Variants in ADAMTS12 observed in about 807,000 individuals in gnomAD.
ADAMTS12 encodes ADAM metallopeptidase with thrombospondin type 1 motif 12.
ADAMTS12 carries 118 observed loss-of-function variants against 167.8 expected under a neutral mutation model. The ratio of observed to expected loss-of-function variants is 0.70; its 90% confidence interval spans 0.61 to 0.82. The LOEUF (loss-of-function observed/expected upper bound fraction) is 0.82. Among genes scored for constraint, ADAMTS12 ranks in the 40% least tolerant of loss-of-function variants. The pLI, the probability that ADAMTS12 is intolerant of heterozygous loss-of-function variation, is 0.00. For missense variants in ADAMTS12, 1,916 were observed against 1,998.8 expected, an observed-to-expected ratio of 0.96 and a Z score of 0.79; for synonymous variants, 704 against 716.9, an observed-to-expected ratio of 0.98 and a Z score of 0.29.
At chr5:33,595,842 C>G (rs1747894439) in intron 17 of ADAMTS12, 92 bp downstream of exon 17, 2 of 1,535,362 alleles carry the variant, frequency 1.3e-6, no homozygotes, top group Non-Finnish European at 1.8e-6. Context: ...CAAAACCACA[C>G]AATATTTCTT....
At chr5:33,640,132 A>T (rs2112169396) in intron 11 of ADAMTS12, among the ~76,000 whole-genome samples, 1 of 152,236 alleles carries the variant, frequency 6.6e-6, no homozygotes, top group South Asian at 2.1e-4. Flanking sequence ...CAGTCCCAAG[A>T]TCAGCTGGCT....
chr5:33,590,630 A>G (rs1747585117), intron 17 of ADAMTS12, among the ~76,000 whole-genome samples: 1 of 152,180 alleles, frequency 6.6e-6, no homozygotes, highest in African/African-American at 2.4e-5. Flanking sequence ...AGAAATGTTT[A>G]TTTTTAAAAG....
At chr5:33,815,057 A>C (rs1217364997) in intron 2 of ADAMTS12, among the ~76,000 whole-genome samples, 1 of 152,150 alleles carries the variant, frequency 6.6e-6, no homozygotes, top group Admixed American at 6.6e-5. Flanking sequence ...TGTTGTTGTT[A>C]TTGTTGTTAA....
At chr5:33,880,286 G>A (rs745479702) in intron 2 of ADAMTS12, among the ~76,000 whole-genome samples, 22 of 152,116 alleles carry the variant, frequency 1.4e-4, no homozygotes, top group African/African-American at 2.7e-4. Flanking sequence ...TGGCATATTC[G>A]AATAATAAAA....
chr5:33,648,482 C>T (rs925174702), intron 9 of ADAMTS12, among the ~76,000 whole-genome samples: 4 of 152,146 alleles, frequency 2.6e-5, no homozygotes, highest in African/African-American at 9.7e-5. Context: ...TACTCTTCAG[C>T]CAGATGTGAA....
chr5:33,789,370 A>G lies in ADAMTS12; in HGVS notation c.490-37822T>C, dbSNP rs61373561. ...CCTCCCCCAGGGCTGAGAGTGAGCCATCTCCAAGGAGAGGTTGGAGATGGA... is the reference window on the plus strand; with the variant it reads ...CCTCCCCCAGGGCTGAGAGTGAGCCGTCTCCAAGGAGAGGTTGGAGATGGA... On this transcript the variant is annotated intron_variant, in intron 2 of 23. Transcript: ENST00000504830. Among the ~76,000 whole-genome samples, 1,923 of 152,334 alleles carry G rather than the reference A, an allele frequency of 0.013. 185 individuals are homozygous for G. In the East Asian group the frequency reaches 0.25, roughly 20 times the overall value.
chr5:33,700,732 T>A (rs1335311990), intron 3 of ADAMTS12, among the ~76,000 whole-genome samples: 1 of 152,232 alleles, frequency 6.6e-6, no homozygotes, highest in African/African-American at 2.4e-5. Flanking sequence ...TGTATCATTG[T>A]CAATATCTTG....
intron 23 of ADAMTS12, among the ~76,000 whole-genome samples, chr5:33,529,131 C>A (rs1228508470): frequency 6.6e-6 from 1 of 152,228 alleles, no homozygotes; most frequent in African/African-American, 2.4e-5. Context: ...CCCTGCAGAA[C>A]TTTACCATGG....
intron 19 of ADAMTS12, among the ~76,000 whole-genome samples, chr5:33,574,193 T>C (rs1473770084): frequency 1.3e-5 from 2 of 151,812 alleles, no homozygotes; most frequent in Non-Finnish European, 2.9e-5. Flanking sequence ...GTGTGGCGAT[T>C]CCTCAGGGAT....
At chr5:33,741,730 C>A (rs533330474) in intron 3 of ADAMTS12, among the ~76,000 whole-genome samples, 1 of 152,046 alleles carries the variant, frequency 6.6e-6, no homozygotes, top group East Asian at 1.9e-4. Context: ...CGGGTTCAAG[C>A]GATTCTCCTG....
Position 33,658,204 on chromosome 5 carries a change from A to T in ADAMTS12, c.1170T>A (p.Ile390=). 6.2e-7 allele frequency: 1 copy of T among 1,613,590 alleles called. No individual in the cohort carries two copies. Among genetic ancestry groups the T allele is most frequent in the Non-Finnish European group, 8.5e-7 (1 of 1,179,612 alleles). ...EDSGLPLAFT[I]AHELGHSFGI... ...TTTACCTGTGTCCTAGCTCATGGGC[A>T]ATTGTGAAAGCCAGAGGGAGTCCCG... The change falls in exon 7 of 24, where the codon ATT becomes ATA. Residue 390 remains isoleucine (I), a synonymous_variant. Transcript: ENST00000504830.
At chr5:33,582,014 T>C (rs1747089030) in intron 18 of ADAMTS12, among the ~76,000 whole-genome samples, 1 of 152,198 alleles carries the variant, frequency 6.6e-6, no homozygotes, top group Non-Finnish European at 1.5e-5. Context: ...AGGAATTCAC[T>C]TTGCCAACAC....
At chr5:33,636,632 T>G (rs949711478) in intron 12 of ADAMTS12, among the ~76,000 whole-genome samples, 1 of 152,182 alleles carries the variant, frequency 6.6e-6, no homozygotes, top group Non-Finnish European at 1.5e-5. Context: ...AATACACAAT[T>G]CTCAAATCTG....
intron 16 of ADAMTS12, 136 bp downstream of exon 16, chr5:33,614,102 G>T: frequency 8.2e-7 from 1 of 1,225,824 alleles, no homozygotes. Flanking sequence ...TTCACTGTCC[G>T]CAGAGGCCCC....
chr5:33,668,149 G>A (rs1232202836), intron 5 of ADAMTS12, among the ~76,000 whole-genome samples: 3 of 152,036 alleles, frequency 2.0e-5, no homozygotes, highest in Non-Finnish European at 4.4e-5. Context: ...CTAACCTACC[G>A]AATATTGTAA....
At chr5:33,753,117 G>A (rs1745053288) in intron 2 of ADAMTS12, among the ~76,000 whole-genome samples, 1 of 152,192 alleles carries the variant, frequency 6.6e-6, no homozygotes, top group South Asian at 2.1e-4. Flanking sequence ...TGTAAAAGGG[G>A]GCAACGCCTA....
At chr5:33,531,518 A>G (rs1744100750) in intron 23 of ADAMTS12, among the ~76,000 whole-genome samples, 1 of 152,172 alleles carries the variant, frequency 6.6e-6, no homozygotes, top group East Asian at 1.9e-4. Context: ...TTAGCAATTG[A>G]CCCAACATCA....
At chr5:33,778,737 G>A (rs990820807) in intron 2 of ADAMTS12, among the ~76,000 whole-genome samples, 10 of 152,036 alleles carry the variant, frequency 6.6e-5, no homozygotes, top group Admixed American at 1.3e-4. Flanking sequence ...AACAGACAAC[G>A]TAGGAAATGG....
intron 2 of ADAMTS12, among the ~76,000 whole-genome samples, chr5:33,835,176 G>T (rs1407259537): frequency 2.6e-5 from 4 of 152,158 alleles, no homozygotes; most frequent in Non-Finnish European, 5.9e-5. Context: ...GTCCAGCCAG[G>T]ATTGGTACCC....
Sources: gnomAD v4.1 joint callset for allele counts (sites outside exome capture counted in the v4.1 genomes callset) on GRCh38, gnomAD v4.1.1 for gene constraint, MANE v1.5 for transcripts, NCBI Gene and HGNC (gene_info 2026-07-23, HGNC 2026-07-21) for gene names.